STK39: variants seen among roughly 807,000 people sequenced by gnomAD.
STK39 encodes the protein serine/threonine kinase 39.
A neutral mutation model predicts 77.8 loss-of-function variants in STK39; 20 were observed. The observed-to-expected ratio is 0.26, with a 90% CI of 0.18 to 0.37. The LOEUF (loss-of-function observed/expected upper bound fraction) is 0.37. Ranked by LOEUF, STK39 falls within the 10% of genes least tolerant of loss-of-function variation. The pLI, the probability that STK39 is intolerant of heterozygous loss-of-function variation, is 1.00. For synonymous variants in STK39, 246 were observed against 234.1 expected, an observed-to-expected ratio of 1.05 and a Z score of -0.47; for missense variants, 479 against 656.5, an observed-to-expected ratio of 0.73 and a Z score of 2.95.
chr2:168,099,842 A>C (rs1436080694), intron 10 of STK39, among the ~76,000 whole-genome samples: 1 of 152,090 alleles, frequency 6.6e-6, no homozygotes, highest in African/African-American at 2.4e-5. Context: ...ATAATAGGAG[A>C]CCCAAATTTC....
chr2:168,104,374 C>T (rs1456080565), intron 10 of STK39, among the ~76,000 whole-genome samples: 2 of 151,900 alleles, frequency 1.3e-5, no homozygotes, highest in East Asian at 1.9e-4. Context: ...GAACTCACAA[C>T]GAGAAAAAGA....
intron 1 of STK39, among the ~76,000 whole-genome samples, chr2:168,198,491 A>G (rs1227994457): frequency 1.3e-5 from 2 of 152,236 alleles, no homozygotes; most frequent in Non-Finnish European, 2.9e-5. Context: ...TTGGCAACTC[A>G]TTACATTGCT....
chr2:168,176,150 C>A (rs1197928859), intron 2 of STK39, among the ~76,000 whole-genome samples: 2 of 152,156 alleles, frequency 1.3e-5, no homozygotes, highest in African/African-American at 4.8e-5. Flanking sequence ...AAAACACACA[C>A]ATACAAAATT....
chr2:168,046,374 AAAACAAAC>A (rs377383582), intron 14 of STK39, among the ~76,000 whole-genome samples: 2,011 of 151,854 alleles, frequency 0.013, 20 homozygotes, highest in African/African-American at 0.028. Flanking sequence ...TCTCAAAAAC[AAAACAAAC>A]AAACAAACAA....
intron 10 of STK39, among the ~76,000 whole-genome samples, chr2:168,094,155 G>A (rs529773092): frequency 4.6e-5 from 7 of 152,242 alleles, no homozygotes; most frequent in African/African-American, 1.4e-4. Context: ...TTGTTTCCAG[G>A]CCAAGTCCTC....
intron 1 of STK39, among the ~76,000 whole-genome samples, chr2:168,208,316 C>T (rs1453772333): frequency 6.6e-6 from 1 of 152,124 alleles, no homozygotes; most frequent in Non-Finnish European, 1.5e-5. Flanking sequence ...CTAAAATGAT[C>T]AAGTGAAAGT....
At chr2:168,049,211 G>A (rs965597441) in intron 14 of STK39, among the ~76,000 whole-genome samples, 2 of 152,090 alleles carry the variant, frequency 1.3e-5, no homozygotes, top group South Asian at 2.1e-4. Flanking sequence ...ATTCTCTCCC[G>A]GCTACCACCT....
chr2:168,198,176 G>C (rs940354676), intron 1 of STK39, among the ~76,000 whole-genome samples: 1 of 152,060 alleles, frequency 6.6e-6, no homozygotes, highest in Non-Finnish European at 1.5e-5. Context: ...ACACGCACAT[G>C]AATGTACTCA....
intron 5 of STK39, among the ~76,000 whole-genome samples, chr2:168,158,608 T>C (rs2218701): frequency 0.5 from 75,568 of 152,014 alleles, 18,977 homozygotes; most frequent in East Asian, 0.63. Flanking sequence ...GGAAATCCCA[T>C]AGATGTGAGT....
At chr2:167,976,637 G>A (rs547348333) in intron 16 of STK39, among the ~76,000 whole-genome samples, 61 of 152,078 alleles carry the variant, frequency 4.0e-4, no homozygotes, top group African/African-American at 1.3e-3. Context: ...ACCTGGACCC[G>A]CCAACCTCTG....
At chr2:168,031,247 C>A (rs115303628) in intron 14 of STK39, among the ~76,000 whole-genome samples, 3 of 152,242 alleles carry the variant, frequency 2.0e-5, no homozygotes, top group Admixed American at 6.5e-5. Context: ...TTTAAAGAGA[C>A]GACAAATACC....
At chr2:168,015,725 T>C (rs956632730) in intron 15 of STK39, among the ~76,000 whole-genome samples, 17 of 152,248 alleles carry the variant, frequency 1.1e-4, no homozygotes, top group African/African-American at 3.6e-4. Flanking sequence ...ATCTGTTCTT[T>C]CTACTTGCTG....
At chr2:167,986,974 C>T (rs150794206) in intron 16 of STK39, among the ~76,000 whole-genome samples, 42 of 152,224 alleles carry the variant, frequency 2.8e-4, no homozygotes, top group Non-Finnish European at 4.7e-4. Flanking sequence ...TGTTTGACAG[C>T]AATGAAAAGG....
chr2:168,161,642 T>C, intron 5 of STK39, 145 bp downstream of exon 5: 2 of 558,420 alleles, frequency 3.6e-6, no homozygotes, highest in South Asian at 7.5e-5. Context: ...GAAAATATGT[T>C]ATCCTTCGGA....
chr2:168,026,906 C>A (rs574353171), intron 14 of STK39, among the ~76,000 whole-genome samples: 2 of 152,186 alleles, frequency 1.3e-5, no homozygotes, highest in South Asian at 4.2e-4. Context: ...TCACTTGAAC[C>A]CAGGAGTTTG....
chr2:168,016,398 A>AC (rs1185330545), intron 15 of STK39, among the ~76,000 whole-genome samples: 1 of 150,416 alleles, frequency 6.6e-6, no homozygotes, highest in Non-Finnish European at 1.5e-5. Context: ...AAAAAAAAAA[A>AC]AAAAAAAAAA....
chr2:167,970,040 G>C (rs1692286796), intron 16 of STK39, among the ~76,000 whole-genome samples: 1 of 152,092 alleles, frequency 6.6e-6, no homozygotes, highest in African/African-American at 2.4e-5. Context: ...CAGAACCTCT[G>C]TACCTGCCAT....
chr2:167,975,175 A>G (rs1683241961), intron 16 of STK39, among the ~76,000 whole-genome samples: 1 of 152,160 alleles, frequency 6.6e-6, no homozygotes, highest in Non-Finnish European at 1.5e-5. Context: ...GCATTTTATG[A>G]CTCATCATGG....
chr2:168,081,206 G>T (rs1264455874), intron 10 of STK39, among the ~76,000 whole-genome samples: 1 of 152,144 alleles, frequency 6.6e-6, no homozygotes, highest in Non-Finnish European at 1.5e-5. Flanking sequence ...AAAAGCCGCA[G>T]ACACTCAACG....
Sources: allele counts gnomAD v4.1 joint callset (sites outside exome capture counted in the v4.1 genomes callset), GRCh38; gene constraint gnomAD v4.1.1; transcripts MANE v1.5; gene names NCBI Gene and HGNC (gene_info 2026-07-23, HGNC 2026-07-21).